Variants in TRARG1 observed in about 807,000 individuals in gnomAD.
TRARG1 encodes the protein trafficking regulator of GLUT4 (SLC2A4) 1 (gene/pseudogene), also known as trafficking regulator of GLUT4 1.
A neutral mutation model predicts 13.3 loss-of-function variants in TRARG1; 16 were observed. The ratio of observed to expected loss-of-function variants is 1.20; its 90% CI spans 0.81 to 1.83. TRARG1 has a LOEUF of 1.83. TRARG1 is among the 40% of genes most tolerant of loss of function. The pLI is 0.00. For missense variants in TRARG1, 250 were observed against 237.4 expected (o/e 1.05, Z -0.35); for synonymous variants, 113 against 106.2 (o/e 1.06, Z -0.39).
At chr17:1,295,130 A>G (rs2101687) in intron 1 of TRARG1, among the ~76,000 whole-genome samples, 5,930 of 152,236 alleles carry the variant, frequency 0.039, 388 homozygotes, top group African/African-American at 0.13. Context: ...GTCCGGGGGC[A>G]CCTGGCCTGT....
intron 1 of TRARG1, among the ~76,000 whole-genome samples, chr17:1,294,804 G>A (rs539695034): frequency 6.3e-4 from 95 of 151,952 alleles, no homozygotes; most frequent in African/African-American, 2.1e-3. Context: ...TCCTGCGTCA[G>A]CCTCCTGAGT....
intron 1 of TRARG1, among the ~76,000 whole-genome samples, chr17:1,282,196 A>ATG (rs2071982779): frequency 6.8e-6 from 1 of 146,520 alleles, no homozygotes; most frequent in African/African-American, 2.7e-5. Flanking sequence ...ATGTACGTGT[A>ATG]CACGTGCGTA....
chr17:1,293,898 G>T (rs182595476), intron 1 of TRARG1, among the ~76,000 whole-genome samples: 1 of 152,196 alleles, frequency 6.6e-6, no homozygotes, highest in Non-Finnish European at 1.5e-5. Flanking sequence ...CCTCAGGGAG[G>T]TGGGGCTGCA....
chr17:1,292,833 G>A (rs1184958543), intron 1 of TRARG1, among the ~76,000 whole-genome samples: 1 of 152,188 alleles, frequency 6.6e-6, no homozygotes, highest in Non-Finnish European at 1.5e-5. Context: ...TCACAAAGGA[G>A]GCCAGTGGGC....
chr17:1,283,850 T>A (rs1440313355), intron 1 of TRARG1, among the ~76,000 whole-genome samples: 3 of 151,358 alleles, frequency 2.0e-5, no homozygotes, highest in Non-Finnish European at 4.4e-5. Flanking sequence ...GTGGTGGTCA[T>A]GCCTGTAATC....
At chr17:1,293,531 TTGA>T (rs2072088590) in intron 1 of TRARG1, among the ~76,000 whole-genome samples, 1 of 148,096 alleles carries the variant, frequency 6.8e-6, no homozygotes, top group Non-Finnish European at 1.5e-5. Flanking sequence ...CAGGTTGGGT[TTGA>T]TGATGTCACG....
chr17:1,299,296 C>T lies in TRARG1; in HGVS notation c.*1032C>T. On this transcript the variant is annotated 3_prime_UTR_variant, in exon 3 of 3. Transcript: ENST00000333813. ...CCTGGAGGAGGCTTTGGGACCACCC[C>T]TGGGGGGACTTCCCAAAGGGTCCCA... is the stretch of plus-strand genomic sequence containing the variant. 6.6e-6 allele frequency: 1 copy of T among 152,376 alleles called. No homozygotes were observed. Among genetic ancestry groups the T allele is most frequent in the East Asian group, 1.9e-4 (1 of 5,186 alleles). 9.4% of individuals were successfully genotyped at this position (152,376 alleles called of 1,614,324 possible). A position where few individuals can be genotyped will look rare whatever the true frequency, so the allele number is the denominator to read the frequency against.
At chr17:1,290,327 G>A (rs1010514021) in intron 1 of TRARG1, among the ~76,000 whole-genome samples, 3 of 152,020 alleles carry the variant, frequency 2.0e-5, no homozygotes, top group African/African-American at 4.8e-5. Context: ...ATGGAGTTTC[G>A]CTCTGTTGCC....
intron 1 of TRARG1, among the ~76,000 whole-genome samples, chr17:1,286,272 T>C (rs1598190111): frequency 6.6e-6 from 1 of 152,052 alleles, no homozygotes; most frequent in Non-Finnish European, 1.5e-5. Context: ...GGAGGGGAGG[T>C]GACCAGGCAC....
intron 1 of TRARG1, among the ~76,000 whole-genome samples, chr17:1,287,259 GA>G (rs1428660171): frequency 6.6e-6 from 1 of 151,730 alleles, no homozygotes; most frequent in African/African-American, 2.4e-5. Flanking sequence ...AGAGTTGAGG[GA>G]GCCCAGTGTT....
intron 1 of TRARG1, among the ~76,000 whole-genome samples, chr17:1,282,246 GTATATGTACGTATATGTACA>G (rs1185848866): frequency 1.7e-4 from 16 of 94,026 alleles, no homozygotes; most frequent in African/African-American, 5.3e-4. Flanking sequence ...GTATATGCAC[GTATATGTACGTATATGTACA>G]TATATGCACG....
Position 1,279,713 on chromosome 17 carries a change from G to T in TRARG1, c.-289G>T. The T allele has an allele frequency of 2.4e-6, 1 of 419,804 alleles. No individual in the cohort carries two copies. The highest frequency in any genetic ancestry group is 4.3e-6 in the Non-Finnish European group (1 of 233,208). 26.0% of individuals were successfully genotyped at this position (419,804 alleles called of 1,614,324 possible). ...TTCCGTTGCTTCCCTGCCCATCTGT[G>T]CTCTCAGCAGCACCAGCAAAGTTGG... On this transcript the variant is annotated 5_prime_UTR_variant, in exon 1 of 3. Transcript: ENST00000333813.
chr17:1,285,754 G>T (rs1368740329), intron 1 of TRARG1, among the ~76,000 whole-genome samples: 2 of 152,050 alleles, frequency 1.3e-5, no homozygotes, highest in Non-Finnish European at 2.9e-5. Flanking sequence ...GGTCGAGGAG[G>T]GGAGGGGAGG....
chr17:1,287,891 G>C (rs188582236), intron 1 of TRARG1, among the ~76,000 whole-genome samples: 79 of 151,986 alleles, frequency 5.2e-4, no homozygotes, highest in Non-Finnish European at 1.6e-4. Flanking sequence ...GCCCTCAGGT[G>C]ACCTCCCCGT....
At position 1,299,358 on chromosome 17, in the gene TRARG1, G is replaced by A. The variant is rs1303354112; in HGVS notation, c.*1094G>A. On this transcript the variant is annotated 3_prime_UTR_variant, in exon 3 of 3. Transcript: ENST00000333813. ...GCGTTTGCGCCACCTGCAAGGGCGT[G>A]GGTCAGAGAGTTTTTATGGGGGTCT... 6.6e-6 allele frequency: 1 copy of A among 152,268 alleles called. No homozygotes were observed. The highest frequency in any genetic ancestry group is 1.5e-5 in the Non-Finnish European group (1 of 68,076). 9.4% of individuals were successfully genotyped at this position (152,268 alleles called of 1,614,324 possible).
In TRARG1 at chr17:1,299,646, C is replaced by A. The variant is rs1286181343; in HGVS notation, c.*1382C>A. On this transcript the variant is annotated 3_prime_UTR_variant, in exon 3 of 3. Transcript: ENST00000333813. ...GCCACAGGCACCTCTCCTGCCCCCG[C>A]CCACCCTCCTGACCGCAGCTCCCAG... 6.6e-6 allele frequency: 1 copy of A among 152,438 alleles called. No homozygotes were observed. 9.4% of individuals were successfully genotyped at this position (152,438 alleles called of 1,614,324 possible).
At chr17:1,295,655 C>G (rs976575352) in intron 2 of TRARG1, 32 bp downstream of exon 2, 1 of 1,594,490 alleles carries the variant, frequency 6.3e-7, no homozygotes, top group Non-Finnish European at 8.5e-7. Flanking sequence ...AGGAGGAAGC[C>G]AGCTTGCCTG....
chr17:1,280,512 G>C lies in TRARG1; in HGVS notation c.387+124G>C, dbSNP rs142596537. ...GAGAGAGCTGGGAGTGGGGGGCTTG[G>C]GGAAGACTCCTTTCCTCACTGGCCT... is the stretch of plus-strand genomic sequence containing the variant. On this transcript the variant is annotated intron_variant, in intron 1 of 2. Coordinates refer to ENST00000333813, the MANE Select transcript of TRARG1 (RefSeq NM_172367.3). The C allele has an allele frequency of 8.5e-4, 960 of 1,128,268 alleles. 8 individuals carry two copies. The African/African-American group carries it at 0.013, about 15-fold the overall frequency. The allele number at this position is 1,128,268 out of a possible 1,614,324, so 69.9% of individuals were successfully genotyped here. A position where few individuals can be genotyped will look rare whatever the true frequency, so the allele number is the denominator to read the frequency against.
chr17:1,286,807 GTGTTGTCGGCCTGTGGGGTGT>G (rs151048474), intron 1 of TRARG1, among the ~76,000 whole-genome samples: 23,598 of 147,892 alleles, frequency 0.16, 2,012 homozygotes, highest in Admixed American at 0.23. Flanking sequence ...AGCCCGTGGG[GTGTTGTCGGCCTGTGGGGTGT>G]TGTTGTCGGC....
Sources: allele counts gnomAD v4.1 joint callset (sites outside exome capture counted in the v4.1 genomes callset), GRCh38; gene constraint gnomAD v4.1.1; transcripts MANE v1.5; gene names NCBI Gene and HGNC (gene_info 2026-07-23, HGNC 2026-07-21).